Variants in RHOBTB1 observed in about 807,000 individuals in gnomAD.
RHOBTB1 encodes Rho related BTB domain containing 1, also known as rho-related BTB domain-containing protein 1.
RHOBTB1 carries 40 observed loss-of-function variants against 71.6 expected under a neutral mutation model. That is an observed-to-expected ratio of 0.56 (90% CI 0.43 to 0.73). The LOEUF (loss-of-function observed/expected upper bound fraction) is 0.73. RHOBTB1 is among the 30% of genes least tolerant of loss of function. RHOBTB1 has a pLI of 0.00. For synonymous variants in RHOBTB1, 319 were observed against 334.9 expected (o/e 0.95, Z 0.52); for missense variants, 797 against 894.0 (o/e 0.89, Z 1.38).
At chr10:60,986,371 G>A (rs1394291688) in intron 1 of RHOBTB1, among the ~76,000 whole-genome samples, 1 of 143,014 alleles carries the variant, frequency 7.0e-6, no homozygotes, top group Non-Finnish European at 1.5e-5. Flanking sequence ...GATTTGAGGT[G>A]CTTTCCAAGA....
intron 1 of RHOBTB1, among the ~76,000 whole-genome samples, chr10:60,993,488 T>C (rs1462316677): frequency 3.9e-5 from 6 of 152,218 alleles, no homozygotes; most frequent in Admixed American, 3.9e-4. Context: ...CTGCAAGGCA[T>C]AACTGATTTT....
At chr10:60,927,813 T>TTG (rs2083979298) in intron 2 of RHOBTB1, among the ~76,000 whole-genome samples, 1 of 152,050 alleles carries the variant, frequency 6.6e-6, no homozygotes, top group South Asian at 2.1e-4. Context: ...GACAAAGATT[T>TTG]CCTGAGATCT....
At position 60,975,335 on chromosome 10, in the gene RHOBTB1, G is replaced by C. The variant is rs143287647; in HGVS notation, c.-62+10510C>G. ...CATTTGCTACATGGTCCAGAGACTT[G>C]TGTTCCTGGCCCAGAATCTCCTTGT... is the stretch of plus-strand genomic sequence containing the variant. On this transcript the variant is annotated intron_variant, in intron 2 of 11. Coordinates refer to the RHOBTB1 transcript ENST00000357917. 4.8e-3 allele frequency among the ~76,000 whole-genome samples: 731 copies of C among 152,116 alleles called. 8 individuals carry two copies. The highest frequency in any genetic ancestry group is 0.034 in the Middle Eastern group (10 of 294).
At chr10:60,984,131 G>C (rs1319498517) in intron 2 of RHOBTB1, among the ~76,000 whole-genome samples, 1 of 152,142 alleles carries the variant, frequency 6.6e-6, no homozygotes, top group East Asian at 1.9e-4. Flanking sequence ...GGGTAGGCAA[G>C]ATCAACCAGT....
chr10:60,973,264 G>C (rs2086219595), intron 2 of RHOBTB1, among the ~76,000 whole-genome samples: 1 of 151,982 alleles, frequency 6.6e-6, no homozygotes, highest in African/African-American at 2.4e-5. Flanking sequence ...GATTTTAGTG[G>C]TTGCAGAAAA....
chr10:60,862,513 G>GCTCT, the RHOBTB1 span, among the ~76,000 whole-genome samples: 1 of 110,054 alleles, frequency 9.1e-6, no homozygotes, highest in Non-Finnish European at 1.9e-5. Flanking sequence ...GAAAGAATAC[G>GCTCT]CTGTCTCTCT....
intron 2 of RHOBTB1, among the ~76,000 whole-genome samples, chr10:60,924,423 A>G (rs1471673356): frequency 6.6e-6 from 1 of 152,242 alleles, no homozygotes; most frequent in Non-Finnish European, 1.5e-5. Flanking sequence ...GAAGGTCATT[A>G]TATAATGACA....
intron 7 of RHOBTB1, among the ~76,000 whole-genome samples, chr10:60,883,875 T>C (rs1325894631): frequency 6.6e-6 from 1 of 152,166 alleles, no homozygotes; most frequent in African/African-American, 2.4e-5. Flanking sequence ...AAGTCACTTG[T>C]AAGTGGAGGA....
At chr10:60,932,459 A>T (rs1447102410) in intron 2 of RHOBTB1, among the ~76,000 whole-genome samples, 2 of 146,476 alleles carry the variant, frequency 1.4e-5, no homozygotes, top group Non-Finnish European at 3.0e-5. Flanking sequence ...CAAGCTGTAC[A>T]TTTGCGATCT....
chr10:60,984,633 T>A (rs907904292), intron 2 of RHOBTB1, among the ~76,000 whole-genome samples: 1 of 152,216 alleles, frequency 6.6e-6, no homozygotes, highest in Non-Finnish European at 1.5e-5. Context: ...AATACCCATA[T>A]GAGAGAAGGA....
Position 60,886,111 on chromosome 10 carries a change from C to T in RHOBTB1, c.1575+1G>A. ...CACTATGCTTTTAGGAAGGCACGTA[C>T]CTCACTGTTGGCACTTTCCACAAAT... On this transcript the variant is annotated splice_donor_variant, in intron 7 of 10. Transcript: ENST00000337910. LOFTEE classifies it high-confidence loss of function. The T allele has an allele frequency of 1.2e-6, 2 of 1,607,526 alleles. No individual in the cohort carries two copies. The highest frequency in any genetic ancestry group is 1.7e-6 in the Non-Finnish European group (2 of 1,174,052).
Position 60,872,126 on chromosome 10 carries a change from T to C in RHOBTB1, c.1921+59A>G. ...TGTTCCTTTCCAGGGACATAGAAGA[T>C]AAAAGCTTCCATGAGAGGTGAGGAG... On this transcript the variant is annotated intron_variant, in intron 10 of 10. Transcript: ENST00000337910. The C allele has an allele frequency of 2.4e-6, 3 of 1,269,336 alleles. No homozygotes were observed. The East Asian group carries it at 6.9e-5, about 29-fold the overall frequency. The allele number at this position is 1,269,336 out of a possible 1,614,324, so 78.6% of individuals were successfully genotyped here.
intron 2 of RHOBTB1, among the ~76,000 whole-genome samples, chr10:60,967,325 C>T: frequency 7.1e-6 from 1 of 140,940 alleles, no homozygotes; most frequent in African/African-American, 2.6e-5. Flanking sequence ...CAGAGTCTCA[C>T]TCTGTTGCCC....
At chr10:60,873,446 A>G (rs1205028657) in intron 9 of RHOBTB1, among the ~76,000 whole-genome samples, 1 of 152,172 alleles carries the variant, frequency 6.6e-6, no homozygotes, top group Non-Finnish European at 1.5e-5. Flanking sequence ...AGCATGGGAG[A>G]ATCCATCCTA....
chr10:60,975,554 T>C (rs1346780445), intron 2 of RHOBTB1, among the ~76,000 whole-genome samples: 1 of 152,038 alleles, frequency 6.6e-6, no homozygotes, highest in African/African-American at 2.4e-5. Context: ...AAATACTAGG[T>C]AATAACTGAC....
intron 2 of RHOBTB1, among the ~76,000 whole-genome samples, chr10:60,939,495 C>T (rs1166459725): frequency 6.6e-6 from 1 of 152,128 alleles, no homozygotes; most frequent in Non-Finnish European, 1.5e-5. Flanking sequence ...TTTCCTTTTC[C>T]TCTTCCCTGC....
intron 8 of RHOBTB1, chr10:60,877,041 A>G (rs1451867673): frequency 6.6e-6 from 1 of 152,238 alleles, no homozygotes; most frequent in Admixed American, 6.5e-5. Flanking sequence ...ACAGGAATCA[A>G]CTAAACATTG....
At chr10:60,955,015 C>T in intron 2 of RHOBTB1, among the ~76,000 whole-genome samples, 1 of 146,090 alleles carries the variant, frequency 6.8e-6, no homozygotes, top group Non-Finnish European at 1.5e-5. Context: ...ACTTATTTGA[C>T]AAGGGGAATC....
rs201792671 is a variant in RHOBTB1 at position 60,871,463 on chromosome 10, GT to G, written c.*18del. On this transcript the variant is annotated 3_prime_UTR_variant, in exon 11 of 11. Transcript: ENST00000337910. ...GATTACCGATTGGTTTCTGTTTTTT[GT>G]TTTTTTTCTCTTCCTCTTCAGGCCA... is the stretch of plus-strand genomic sequence containing the variant. 7 of 1,604,834 alleles carry G rather than the reference GT, an allele frequency of 4.4e-6. No homozygotes were observed. Among genetic ancestry groups the G allele is most frequent in the African/African-American group, 4.1e-5 (3 of 74,068 alleles).
Sources: gnomAD v4.1 joint callset for allele counts (sites outside exome capture counted in the v4.1 genomes callset) on GRCh38, gnomAD v4.1.1 for gene constraint, MANE v1.5 for transcripts, NCBI Gene and HGNC (gene_info 2026-07-23, HGNC 2026-07-21) for gene names.